The following BTNL8 variants were observed in gnomAD, a reference collection of about 807,000 sequenced individuals.
BTNL8 encodes butyrophilin-like protein 8.
A neutral mutation model predicts 36.1 loss-of-function variants in BTNL8; 22 were observed. The observed-to-expected ratio is 0.61, with a 90% CI of 0.44 to 0.87. The LOEUF (loss-of-function observed/expected upper bound fraction) is 0.87. Among genes scored for constraint, BTNL8 ranks in the 40% least tolerant of loss-of-function variants. The pLI, the probability that BTNL8 is intolerant of heterozygous loss-of-function variation, is 0.00. For synonymous variants in BTNL8, 203 were observed against 235.6 expected (o/e 0.86, Z 1.27); for missense variants, 526 against 616.9 (o/e 0.85, Z 1.56).
chr5:180,906,272 T>G (rs539374161), intron 1 of BTNL8, among the ~76,000 whole-genome samples: 4 of 147,924 alleles, frequency 2.7e-5, no homozygotes, highest in African/African-American at 1.0e-4. Context: ...TTTACCATTA[T>G]GTAATGGCCT....
chr5:180,949,675 G>A lies in BTNL8; in HGVS notation c.863-229G>A. On this transcript the variant is annotated intron_variant, in intron 7 of 7. Transcript: ENST00000340184. ...TGAAGGGACAGTGGCAGGGTTGGGT[G>A]ATATGCCGAGATTGGGACGTCATAT... The A allele has an allele frequency of 3.4e-6, 2 of 585,876 alleles. 1 individual carries two copies. 36.3% of individuals were successfully genotyped at this position (585,876 alleles called of 1,614,324 possible).
intron 3 of BTNL8, among the ~76,000 whole-genome samples, chr5:180,924,093 C>G (rs1757990737): frequency 6.6e-6 from 1 of 152,158 alleles, no homozygotes; most frequent in African/African-American, 2.4e-5. Flanking sequence ...GTTGACCATA[C>G]AGGGAGCATC....
chr5:180,901,968 C>A (rs752686481), intron 1 of BTNL8, among the ~76,000 whole-genome samples: 5 of 151,562 alleles, frequency 3.3e-5, no homozygotes, highest in Non-Finnish European at 5.9e-5. Context: ...AGCAGATTTT[C>A]AAAAAAAACT....
Position 180,908,533 on chromosome 5 carries a change from C to T in BTNL8, c.50-53C>T, listed in dbSNP as rs1306151101. The T allele has an allele frequency of 3.2e-6, 5 of 1,563,766 alleles. No individual in the cohort carries two copies. In the African/African-American group the frequency reaches 4.1e-5, roughly 13 times the overall value. On this transcript the variant is annotated intron_variant, in intron 1 of 7. Transcript: ENST00000340184. The stretch of plus-strand genomic sequence containing the variant: ...TTCCTATTCGGCCATCTTGGCTCCT[C>T]CCCCTCACTACAAAGGGTTTTGATG...
Position 180,947,376 on chromosome 5 carries a change from C to G in BTNL8, c.674-136C>G, listed in dbSNP as rs144701040. The G allele has an allele frequency of 7.1e-4, 853 of 1,197,378 alleles. 8 individuals are homozygous for G. The East Asian group carries it at 0.018, about 26-fold the overall frequency. The allele number at this position is 1,197,378 out of a possible 1,614,324, so 74.2% of individuals were successfully genotyped here. ...CCTCATTTTATAACAAAAGTACAAT[C>G]AAAGTATTAAGCCTATAGGAGAATT... On this transcript the variant is annotated intron_variant, in intron 3 of 7. Transcript: ENST00000340184.
At chr5:180,932,866 A>T (rs1341520951) in intron 3 of BTNL8, among the ~76,000 whole-genome samples, 2 of 152,204 alleles carry the variant, frequency 1.3e-5, no homozygotes, top group Non-Finnish European at 2.9e-5. Context: ...AAATTCTCCA[A>T]TTAAAATACA....
At chr5:180,908,497 G>A in intron 1 of BTNL8, 89 bp from the exon 2 acceptor site, 1 of 1,268,202 alleles carries the variant, frequency 7.9e-7, no homozygotes, top group Non-Finnish European at 1.1e-6. Context: ...GGGAGCTGTA[G>A]ACCGGAGCTG....
chr5:180,947,913 A>T (rs1377500140), intron 4 of BTNL8: 1 of 1,065,970 alleles, frequency 9.4e-7, no homozygotes, highest in East Asian at 2.4e-5. Flanking sequence ...CACCACCAAG[A>T]CTCCTATTAA....
intron 1 of BTNL8, among the ~76,000 whole-genome samples, chr5:180,900,390 C>T (rs1756774180): frequency 6.6e-6 from 1 of 152,202 alleles, no homozygotes; most frequent in African/African-American, 2.4e-5. Flanking sequence ...GTGAGGACTG[C>T]ATGAGCTTGT....
intron 3 of BTNL8, among the ~76,000 whole-genome samples, chr5:180,942,255 A>G (rs1759016290): frequency 6.6e-6 from 1 of 152,182 alleles, no homozygotes; most frequent in Non-Finnish European, 1.5e-5. Context: ...GATCTATACA[A>G]TAAAAACTAC....
chr5:180,945,751 G>A (rs917574014), intron 3 of BTNL8: 4 of 497,546 alleles, frequency 8.0e-6, no homozygotes, highest in Non-Finnish European at 1.6e-5. Context: ...ACTCCTGAGA[G>A]CAAGATGGGT....
intron 3 of BTNL8, among the ~76,000 whole-genome samples, chr5:180,946,901 T>C (rs987590678): frequency 4.6e-5 from 7 of 152,166 alleles, no homozygotes; most frequent in Non-Finnish European, 1.0e-4. Context: ...ATTTAAATAA[T>C]AGTAATAAAA....
At chr5:180,917,161 CTA>C in intron 3 of BTNL8, among the ~76,000 whole-genome samples, 9 of 97,508 alleles carry the variant, frequency 9.2e-5, no homozygotes, top group Non-Finnish European at 1.2e-4. Flanking sequence ...CAAGGTTAGA[CTA>C]CGGCACTATG....
chr5:180,911,278 A>C (rs1757378710), intron 2 of BTNL8, 61 bp from the exon 3 acceptor site: 1 of 1,587,206 alleles, frequency 6.3e-7, no homozygotes, highest in Non-Finnish European at 8.6e-7. Context: ...CACCTGACTC[A>C]GAATTGCTGT....
At chr5:180,919,819 A>G (rs1383648222) in intron 3 of BTNL8, among the ~76,000 whole-genome samples, 1 of 152,228 alleles carries the variant, frequency 6.6e-6, no homozygotes, top group Non-Finnish European at 1.5e-5. Flanking sequence ...ATTAGAAGTA[A>G]ATTTAGCCAA....
chr5:180,950,816 T>G lies in BTNL8; in HGVS notation c.*272T>G. On this transcript the variant is annotated 3_prime_UTR_variant, in exon 8 of 8. Transcript: ENST00000340184. ...CCCATCTCACAGGCTGTGGTGTAGA[T>G]TAAGTAGACAAGGAATGTGAATAAT... 2 of 446,570 alleles carry G rather than the reference T, an allele frequency of 4.5e-6. 1 individual carries two copies. The highest frequency in any genetic ancestry group is 8.4e-6 in the Non-Finnish European group (2 of 238,418). 27.7% of individuals were successfully genotyped at this position (446,570 alleles called of 1,614,324 possible). A position where few individuals can be genotyped will look rare whatever the true frequency, so the allele number is the denominator to read the frequency against.
At chr5:180,902,771 G>A (rs374601890) in intron 1 of BTNL8, among the ~76,000 whole-genome samples, 9,088 of 143,348 alleles carry the variant, frequency 0.063, 393 homozygotes, top group South Asian at 0.12. Flanking sequence ...GAGAATATGC[G>A]GTGTTTGGTT....
At chr5:180,937,052 C>A (rs1285592809) in intron 3 of BTNL8, among the ~76,000 whole-genome samples, 1 of 152,206 alleles carries the variant, frequency 6.6e-6, no homozygotes, top group Non-Finnish European at 1.5e-5. Flanking sequence ...GGCAGAGTGA[C>A]TACATGCTGC....
At chr5:180,948,537 T>C in intron 5 of BTNL8, 162 bp downstream of exon 5, 2 of 1,596,648 alleles carry the variant, frequency 1.3e-6, no homozygotes, top group Non-Finnish European at 1.7e-6. Context: ...TGCTCATGAG[T>C]TACCCCTCGG....
Sources: gnomAD v4.1 joint callset for allele counts (sites outside exome capture counted in the v4.1 genomes callset) on GRCh38, gnomAD v4.1.1 for gene constraint, MANE v1.5 for transcripts, NCBI Gene and HGNC (gene_info 2026-07-23, HGNC 2026-07-21) for gene names.